AGBL1: variants seen among roughly 807,000 people sequenced by gnomAD.
AGBL1 encodes cytosolic carboxypeptidase 4.
Under a neutral mutation model 118.9 loss-of-function variants are expected in AGBL1, and 130 were observed. The observed-to-expected ratio is 1.09, with a 90% CI of 0.95 to 1.26. The LOEUF (loss-of-function observed/expected upper bound fraction) is 1.26, where lower values mean the gene tolerates loss of function less well. Ranked by LOEUF, AGBL1 falls within the 50% of genes most tolerant of loss-of-function variation. The pLI, the probability that AGBL1 is intolerant of heterozygous loss-of-function variation, is 0.00. For synonymous variants in AGBL1, 555 were observed against 478.9 expected (o/e 1.16, Z -2.08); for missense variants, 1,584 against 1,298.1 (o/e 1.22, Z -3.38).
At chr15:86,287,410 G>A (rs1313889119) in intron 16 of AGBL1, among the ~76,000 whole-genome samples, 1 of 152,086 alleles carries the variant, frequency 6.6e-6, no homozygotes, top group East Asian at 1.9e-4. Flanking sequence ...TGGGGTCATA[G>A]TTAAGAAATC....
intron 17 of AGBL1, among the ~76,000 whole-genome samples, chr15:86,325,748 G>C (rs956757547): frequency 1.6e-4 from 24 of 152,162 alleles, no homozygotes; most frequent in African/African-American, 5.8e-4. Context: ...ACCAGACAAG[G>C]CATTGGACTA....
intron 21 of AGBL1, among the ~76,000 whole-genome samples, chr15:86,577,530 A>T (rs1473407199): frequency 6.6e-6 from 1 of 152,212 alleles, no homozygotes; most frequent in African/African-American, 2.4e-5. Flanking sequence ...ATAAGTAACA[A>T]GGAACCAAAT....
At chr15:86,278,373 G>C (rs1384242250) in intron 15 of AGBL1, among the ~76,000 whole-genome samples, 3 of 152,190 alleles carry the variant, frequency 2.0e-5, no homozygotes, top group Admixed American at 2.0e-4. Flanking sequence ...GAAGCTGAGG[G>C]AAGGAAGATA....
At chr15:86,463,879 C>G (rs1197453367) in intron 18 of AGBL1, among the ~76,000 whole-genome samples, 1 of 152,128 alleles carries the variant, frequency 6.6e-6, no homozygotes, top group East Asian at 1.9e-4. Flanking sequence ...AGCGTGATGC[C>G]TCCAGCTTCA....
intron 6 of AGBL1, among the ~76,000 whole-genome samples, chr15:86,231,681 T>G (rs2078457442): frequency 6.6e-6 from 1 of 152,140 alleles, no homozygotes; most frequent in African/African-American, 2.4e-5. Flanking sequence ...ATTTTACAGA[T>G]GTAGGAACTG....
intron 22 of AGBL1, among the ~76,000 whole-genome samples, chr15:86,676,929 CG>C (rs1402324302): frequency 6.6e-6 from 1 of 152,016 alleles, no homozygotes; most frequent in Non-Finnish European, 1.5e-5. Context: ...GGTAAAACCC[CG>C]TCTTGAACCT....
At chr15:86,382,207 G>A (rs904572841) in intron 17 of AGBL1, among the ~76,000 whole-genome samples, 1 of 152,178 alleles carries the variant, frequency 6.6e-6, no homozygotes, top group Admixed American at 6.5e-5. Flanking sequence ...ACATCTTTAA[G>A]CCATTGTCTC....
chr15:86,941,629 G>T (rs892013955), intron 23 of AGBL1, among the ~76,000 whole-genome samples: 1 of 152,200 alleles, frequency 6.6e-6, no homozygotes, highest in African/African-American at 2.4e-5. Context: ...GGCAGATCTT[G>T]CTGGAAATAG....
chr15:86,472,959 C>T (rs2082499576), intron 18 of AGBL1, among the ~76,000 whole-genome samples: 1 of 152,068 alleles, frequency 6.6e-6, no homozygotes, highest in African/African-American at 2.4e-5. Context: ...CCCATTAGCC[C>T]AGAATCAAAG....
At chr15:86,348,262 G>A (rs2141895504) in intron 17 of AGBL1, among the ~76,000 whole-genome samples, 1 of 152,296 alleles carries the variant, frequency 6.6e-6, no homozygotes, top group South Asian at 2.1e-4. Context: ...CAACAAAGGG[G>A]AAAGAAAAAT....
chr15:86,469,772 C>T (rs924287977), intron 18 of AGBL1, among the ~76,000 whole-genome samples: 1 of 152,104 alleles, frequency 6.6e-6, no homozygotes, highest in Non-Finnish European at 1.5e-5. Flanking sequence ...AAACTATTCT[C>T]ACTGGTATGA....
At chr15:86,686,118 TCTC>T (rs571153048) in intron 22 of AGBL1, among the ~76,000 whole-genome samples, 148 of 152,246 alleles carry the variant, frequency 9.7e-4, no homozygotes, top group African/African-American at 3.3e-3. Flanking sequence ...GAAAGAAACT[TCTC>T]CTCCCCACTC....
At chr15:86,745,824 C>T (rs1208753609) in intron 22 of AGBL1, among the ~76,000 whole-genome samples, 1 of 151,986 alleles carries the variant, frequency 6.6e-6, no homozygotes, top group Non-Finnish European at 1.5e-5. Context: ...TCATCTTTCC[C>T]ATGACACCTG....
rs201020384 is a variant in AGBL1, at chr15:86,827,706, TC to T, written c.3159-79380del. On this transcript the variant is annotated intron_variant, in intron 22 of 22. Transcript: ENST00000614907. ...TACACATCAGAGGCAATATTTGTCT[TC>T]TTTGAGGAAACTCTGAGACCACTAC... Among the ~76,000 whole-genome samples the T allele has an allele frequency of 3.8e-3, 556 of 145,676 alleles. 21 individuals carry two copies. Among genetic ancestry groups the T allele is most frequent in the East Asian group, 8.1e-3 (39 of 4,840 alleles).
chr15:86,706,373 C>T (rs1437764637), intron 22 of AGBL1, among the ~76,000 whole-genome samples: 5 of 151,900 alleles, frequency 3.3e-5, no homozygotes, highest in Non-Finnish European at 7.4e-5. Flanking sequence ...AATAAAAAAT[C>T]ATAGAGGCAG....
intron 7 of AGBL1, among the ~76,000 whole-genome samples, chr15:86,252,858 T>C (rs1388595892): frequency 6.6e-6 from 1 of 152,208 alleles, no homozygotes; most frequent in South Asian, 2.1e-4. Context: ...CCATTTAAGA[T>C]ATTTTTATAT....
intron 21 of AGBL1, among the ~76,000 whole-genome samples, chr15:86,664,576 A>G (rs767877156): frequency 6.6e-5 from 10 of 152,110 alleles, no homozygotes; most frequent in Non-Finnish European, 1.2e-4. Context: ...TCTCATTGCT[A>G]TTTCTTCACT....
intron 22 of AGBL1, among the ~76,000 whole-genome samples, chr15:86,845,141 T>C (rs941786463): frequency 1.3e-5 from 2 of 152,120 alleles, no homozygotes; most frequent in Non-Finnish European, 2.9e-5. Flanking sequence ...TTCTTGGTAA[T>C]TTTCATTTCA....
chr15:86,848,142 G>T (rs1306493626), intron 22 of AGBL1, among the ~76,000 whole-genome samples: 1 of 152,098 alleles, frequency 6.6e-6, no homozygotes, highest in African/African-American at 2.4e-5. Flanking sequence ...TTGAGTGGGG[G>T]ACAGGAAGTG....
Sources: allele counts gnomAD v4.1 joint callset (sites outside exome capture counted in the v4.1 genomes callset), GRCh38; gene constraint gnomAD v4.1.1; transcripts MANE v1.5; gene names NCBI Gene and HGNC (gene_info 2026-07-23, HGNC 2026-07-21).